Variants in NEK11 observed in about 807,000 individuals in gnomAD.
NEK11 encodes NIMA related kinase 11.
A neutral mutation model predicts 80.7 loss-of-function variants in NEK11; 72 were observed. The observed-to-expected ratio is 0.89, with a 90% CI of 0.74 to 1.08. The LOEUF is 1.08. Among genes scored for constraint, NEK11 ranks in the 50% least tolerant of loss-of-function variants. The probability of loss-of-function intolerance (pLI) is 0.00; values close to 1 mark genes in which losing one functional copy is unlikely to be tolerated. For synonymous variants in NEK11, 251 were observed against 260.7 expected (o/e 0.96, Z 0.36); for missense variants, 764 against 763.6 (o/e 1.00, Z -0.01).
chr3:131,035,745 T>C (rs531734568), intron 3 of NEK11, among the ~76,000 whole-genome samples: 2 of 152,186 alleles, frequency 1.3e-5, no homozygotes. Flanking sequence ...GCTGTATATC[T>C]AATGAGAAGT....
intron 17 of NEK11, among the ~76,000 whole-genome samples, chr3:131,301,213 T>C (rs1214400918): frequency 6.6e-6 from 1 of 152,196 alleles, no homozygotes; most frequent in Non-Finnish European, 1.5e-5. Context: ...GCTACTGATT[T>C]TTGTACATTA....
At chr3:131,304,874 A>G (rs1183773316) in intron 17 of NEK11, among the ~76,000 whole-genome samples, 1 of 152,040 alleles carries the variant, frequency 6.6e-6, no homozygotes, top group Non-Finnish European at 1.5e-5. Flanking sequence ...AGACATAGTC[A>G]TGGGGTATAC....
chr3:131,086,125 T>C (rs146622933), intron 4 of NEK11, among the ~76,000 whole-genome samples: 7 of 152,242 alleles, frequency 4.6e-5, no homozygotes, highest in Admixed American at 4.6e-4. Context: ...CTGATGATGT[T>C]AACTTTGATC....
intron 14 of NEK11, among the ~76,000 whole-genome samples, chr3:131,225,017 G>T (rs147256045): frequency 2.0e-5 from 3 of 152,248 alleles, no homozygotes; most frequent in African/African-American, 7.2e-5. Context: ...TAGCCTAAGT[G>T]TCCAGTGTTT....
intron 3 of NEK11, among the ~76,000 whole-genome samples, chr3:131,059,559 T>C (rs140899487): frequency 1.3e-3 from 192 of 152,358 alleles, no homozygotes; most frequent in Non-Finnish European, 1.9e-3. Context: ...GATATGTGCA[T>C]TTAATTATTC....
chr3:131,230,244 G>A (rs1002934073), intron 15 of NEK11, among the ~76,000 whole-genome samples: 3 of 152,142 alleles, frequency 2.0e-5, no homozygotes, highest in Non-Finnish European at 4.4e-5. Context: ...TCCTAGGTCA[G>A]GAAATACAAT....
chr3:131,090,742 T>C (rs1405618975), intron 4 of NEK11, among the ~76,000 whole-genome samples: 1 of 152,168 alleles, frequency 6.6e-6, no homozygotes. Flanking sequence ...ATTAAATCCT[T>C]AGAAAAAATC....
chr3:131,268,789 G>A (rs564740524), intron 16 of NEK11, among the ~76,000 whole-genome samples: 6 of 152,340 alleles, frequency 3.9e-5, no homozygotes, highest in African/African-American at 1.4e-4. Context: ...AGCAGAGCTC[G>A]AACACTGTGT....
intron 3 of NEK11, among the ~76,000 whole-genome samples, chr3:131,074,060 A>G (rs556895324): frequency 3.3e-5 from 5 of 152,310 alleles, no homozygotes; most frequent in African/African-American, 9.6e-5. Flanking sequence ...TTAAGCTCCA[A>G]CTGCCCTCAG....
chr3:131,196,551 T>C (rs1215035008), intron 14 of NEK11, among the ~76,000 whole-genome samples: 1 of 152,040 alleles, frequency 6.6e-6, no homozygotes, highest in Non-Finnish European at 1.5e-5. Flanking sequence ...CTTTTTTTTT[T>C]GAGACAGTGT....
At chr3:131,144,842 C>G (rs2087799582) in intron 7 of NEK11, among the ~76,000 whole-genome samples, 1 of 152,056 alleles carries the variant, frequency 6.6e-6, no homozygotes, top group Non-Finnish European at 1.5e-5. Context: ...AAATACTAGT[C>G]ATCAAAGTGA....
chr3:131,299,335 T>C (rs1293039017), intron 17 of NEK11, among the ~76,000 whole-genome samples: 3 of 152,242 alleles, frequency 2.0e-5, no homozygotes, highest in Non-Finnish European at 4.4e-5. Flanking sequence ...CCTGAGTAGC[T>C]GGGATTACAG....
At chr3:131,202,312 C>T (rs905954954) in intron 14 of NEK11, among the ~76,000 whole-genome samples, 4 of 152,184 alleles carry the variant, frequency 2.6e-5, no homozygotes, top group African/African-American at 9.6e-5. Flanking sequence ...CTGGGAAGTG[C>T]ATGGGGTCAG....
chr3:131,070,503 T>C (rs550003068), intron 3 of NEK11, among the ~76,000 whole-genome samples: 45 of 152,300 alleles, frequency 3.0e-4, no homozygotes, highest in African/African-American at 1.1e-3. Context: ...GGTGCTATAA[T>C]TGGCAATATT....
intron 17 of NEK11, among the ~76,000 whole-genome samples, chr3:131,332,112 G>C (rs1457063460): frequency 6.6e-6 from 1 of 152,230 alleles, no homozygotes; most frequent in East Asian, 1.9e-4. Context: ...GAAGAGAGCA[G>C]TGGTTCTCCC....
At chr3:131,259,143 A>G (rs1250944325) in intron 16 of NEK11, among the ~76,000 whole-genome samples, 1 of 152,168 alleles carries the variant, frequency 6.6e-6, no homozygotes, top group African/African-American at 2.4e-5. Context: ...GCCAGCTCAC[A>G]TACTTGTCCT....
chr3:131,334,918 G>A (rs554118521), intron 17 of NEK11, among the ~76,000 whole-genome samples: 2 of 152,288 alleles, frequency 1.3e-5, no homozygotes, highest in East Asian at 3.9e-4. Context: ...GACTAAACCA[G>A]GAAGAAGTTC....
chr3:131,177,883 A>G (rs2093126678), intron 14 of NEK11, among the ~76,000 whole-genome samples: 1 of 152,252 alleles, frequency 6.6e-6, no homozygotes, highest in African/African-American at 2.4e-5. Flanking sequence ...GTTCTGAGAA[A>G]TGTGTCATTA....
At chr3:131,047,902 G>T (rs1172722958) in intron 3 of NEK11, among the ~76,000 whole-genome samples, 2 of 152,188 alleles carry the variant, frequency 1.3e-5, no homozygotes, top group Non-Finnish European at 2.9e-5. Context: ...TTAGGTTGGG[G>T]CAAGGTTAGG....
Sources: gnomAD v4.1 joint callset for allele counts (sites outside exome capture counted in the v4.1 genomes callset) on GRCh38, gnomAD v4.1.1 for gene constraint, MANE v1.5 for transcripts, NCBI Gene and HGNC (gene_info 2026-07-23, HGNC 2026-07-21) for gene names.